Variants in TULP4 observed in about 807,000 individuals in gnomAD.
TULP4 encodes the protein tubby-related protein 4.
In TULP4, 16 loss-of-function variants were observed where a neutral mutation model predicts 129.0. That is an observed-to-expected ratio of 0.12 (90% confidence interval 0.08 to 0.19). The LOEUF (loss-of-function observed/expected upper bound fraction) is 0.19, where lower values mean the gene tolerates loss of function less well. TULP4 is among the 10% of genes least tolerant of loss of function. The probability of loss-of-function intolerance (pLI) is 1.00; values close to 1 mark genes in which losing one functional copy is unlikely to be tolerated. For missense variants in TULP4, 1,842 were observed against 2,059.1 expected (o/e 0.89, Z 2.04); for synonymous variants, 998 against 854.0 (o/e 1.17, Z -2.94).
At chr6:158,347,921 ATCTG>A (rs1470399427) in intron 1 of TULP4, among the ~76,000 whole-genome samples, 1 of 152,084 alleles carries the variant, frequency 6.6e-6, no homozygotes, top group Non-Finnish European at 1.5e-5. Context: ...AAAAAAAAGA[ATCTG>A]TAAGTGTTTT....
chr6:158,240,498 A>C (rs866976734), intron 1 of TULP4, among the ~76,000 whole-genome samples: 6 of 51,458 alleles, frequency 1.2e-4, no homozygotes, highest in South Asian at 8.8e-4. Context: ...CCTCCCGGAC[A>C]GGGCGGCTGG....
chr6:158,328,079 G>GGTGTGT (rs766393090), intron 1 of TULP4, among the ~76,000 whole-genome samples: 1,698 of 120,476 alleles, frequency 0.014, 60 homozygotes, highest in East Asian at 0.056. Context: ...TCTCAGAGCT[G>GGTGTGT]GTGTGTGTGT....
At chr6:158,337,076 C>T (rs76736119) in intron 1 of TULP4, among the ~76,000 whole-genome samples, 5 of 3,352 alleles carry the variant, frequency 1.5e-3, no homozygotes, top group Admixed American at 5.2e-3. Context: ...TCTTTCTTTT[C>T]TTTCTTTCTG....
At chr6:158,357,240 T>C (rs1780670461) in intron 1 of TULP4, among the ~76,000 whole-genome samples, 1 of 152,210 alleles carries the variant, frequency 6.6e-6, no homozygotes, top group African/African-American at 2.4e-5. Flanking sequence ...TGTCTAGAAA[T>C]GAGAGCCTTG....
chr6:158,294,223 G>T (rs1778991127), intron 1 of TULP4, among the ~76,000 whole-genome samples: 1 of 152,018 alleles, frequency 6.6e-6, no homozygotes. Flanking sequence ...CATTAGCTGG[G>T]CGTGGTGGTG....
intron 1 of TULP4, among the ~76,000 whole-genome samples, chr6:158,395,676 G>A (rs917099622): frequency 7.5e-6 from 1 of 133,382 alleles, no homozygotes; most frequent in African/African-American, 2.8e-5. Context: ...GGCGGGGGGG[G>A]GGTCATGGCA....
intron 1 of TULP4, among the ~76,000 whole-genome samples, chr6:158,393,701 G>T (rs961066340): frequency 1.3e-5 from 2 of 152,210 alleles, no homozygotes; most frequent in Non-Finnish European, 2.9e-5. Context: ...TGGGACACAG[G>T]GTGCCATGTC....
intron 1 of TULP4, among the ~76,000 whole-genome samples, chr6:158,239,393 C>T (rs1210625906): frequency 5.0e-4 from 32 of 64,396 alleles, no homozygotes; most frequent in African/African-American, 1.3e-3. Flanking sequence ...CCGGACGGGG[C>T]GGCTGGCCGG....
At position 158,452,576 on chromosome 6, in the gene TULP4, T is replaced by C. The variant is rs140764368; in HGVS notation, c.859+308T>C. Among the ~76,000 whole-genome samples, 364 of 152,382 alleles carry C rather than the reference T, an allele frequency of 2.4e-3. 6 individuals carry two copies. Among genetic ancestry groups the C allele is most frequent in the Non-Finnish European group, 5.7e-4 (39 of 68,038 alleles). ...GGTATGTTTGCATCTGGCTTACGCA[T>C]GTCTGCACAATAAACGGACTGCAGC... On this transcript the variant is annotated intron_variant, in intron 5 of 13. Transcript: ENST00000367097.
Position 158,314,198 on chromosome 6 carries a change from C to G in TULP4, c.182C>G (p.Ser61Cys). Residue 61 changes from serine (S) to cysteine (C), a missense_variant, in exon 1 of 14, where the codon TCT becomes TGT. Around this residue, in one of 5 missense-constraint regions of TULP4, gnomAD observed 151 missense variants for 268.7 expected, o/e 0.56. Coordinates refer to ENST00000367097, the MANE Select transcript of TULP4 (RefSeq NM_020245.5). ...GRGVVGVTFTSSHCRRDRSTP... is the reference protein window; with the variant it reads ...GRGVVGVTFTCSHCRRDRSTP... ...GGAGTGGTTGGGGTGACTTTCACCT[C>G]TAGTCACTGTCGCAGGGACAGGAGT... 1 of 1,614,118 alleles carries G rather than the reference C, an allele frequency of 6.2e-7. No homozygotes were observed. Among genetic ancestry groups the G allele is most frequent in the Non-Finnish European group, 8.5e-7 (1 of 1,180,028 alleles).
upstream of TULP4, among the ~76,000 whole-genome samples, chr6:158,279,569 A>G (rs979257949): frequency 2.6e-5 from 4 of 152,216 alleles, no homozygotes; most frequent in African/African-American, 9.7e-5. Flanking sequence ...CATGGCTTAC[A>G]TCGTACAAAA....
chr6:158,268,924 T>G (rs890981893), intron 1 of TULP4, among the ~76,000 whole-genome samples: 1 of 152,220 alleles, frequency 6.6e-6, no homozygotes, highest in African/African-American at 2.4e-5. Context: ...TTTAGCACTG[T>G]TGGCTTTAGT....
intron 12 of TULP4, among the ~76,000 whole-genome samples, chr6:158,501,464 T>C (rs1780441858): frequency 1.3e-5 from 2 of 152,186 alleles, no homozygotes; most frequent in African/African-American, 4.8e-5. Flanking sequence ...GTTCTGACAG[T>C]ACCCTTAGCT....
rs558292330 is a variant in TULP4, at chr6:158,399,837, T to C, written c.253-13228T>C. 7.9e-5 allele frequency among the ~76,000 whole-genome samples: 12 copies of C among 152,334 alleles called. No homozygotes were observed. In the East Asian group the frequency reaches 2.3e-3, roughly 29 times the overall value. On this transcript the variant is annotated intron_variant, in intron 1 of 13. Coordinates refer to ENST00000367097, the MANE Select transcript of TULP4 (RefSeq NM_020245.5). ...CCCCATCCTTGGAACTCTTACACTGTACTCAAAGTTCTTTAGCATTCATGT... is the reference window on the plus strand; with the variant it reads ...CCCCATCCTTGGAACTCTTACACTGCACTCAAAGTTCTTTAGCATTCATGT...
intron 6 of TULP4, among the ~76,000 whole-genome samples, chr6:158,478,664 C>T (rs1037792027): frequency 1.3e-5 from 2 of 152,190 alleles, no homozygotes; most frequent in African/African-American, 4.8e-5. Context: ...TGCCTGGCCT[C>T]CTGTGGTAGA....
At chr6:158,418,100 T>TGTG (rs540988447) in intron 2 of TULP4, among the ~76,000 whole-genome samples, 3 of 84,150 alleles carry the variant, frequency 3.6e-5, no homozygotes, top group African/African-American at 9.6e-5. Flanking sequence ...TGTGTGTGTG[T>TGTG]TTTTTTTTTT....
intron 1 of TULP4, among the ~76,000 whole-genome samples, chr6:158,255,226 A>G (rs1778222822): frequency 6.6e-6 from 1 of 152,172 alleles, no homozygotes; most frequent in South Asian, 2.1e-4. Context: ...GCAGTTGTAG[A>G]CACTGTTGGG....
chr6:158,479,933 C>G lies in TULP4; in HGVS notation c.1209C>G (p.Arg403=). 1 of 1,610,666 alleles carries G rather than the reference C, an allele frequency of 6.2e-7. No homozygotes were observed. The highest frequency in any genetic ancestry group is 1.1e-5 in the South Asian group (1 of 91,034). The part of the protein sequence containing the change: ...KDVSKLTLPP[R]LCSYLSTAFI... ...TCAGCAAGCTGACTCTGCCCCCCCGCCTCTGCTCCTACCTCTCCACTGCCT... is the reference window on the plus strand; with the variant it reads ...TCAGCAAGCTGACTCTGCCCCCCCGGCTCTGCTCCTACCTCTCCACTGCCT... Residue 403 remains arginine (R), a synonymous_variant, in exon 7 of 14, where the codon CGC becomes CGG. Transcript: ENST00000367097.
intron 3 of TULP4, among the ~76,000 whole-genome samples, chr6:158,441,736 C>T (rs186118779): frequency 6.6e-6 from 1 of 152,192 alleles, no homozygotes; most frequent in Non-Finnish European, 1.5e-5. Context: ...TGCAGACTCT[C>T]GGACATAAAT....
Sources: gnomAD v4.1 joint callset for allele counts (sites outside exome capture counted in the v4.1 genomes callset) on GRCh38, gnomAD v4.1.1 for gene constraint, gnomAD v4.1.1 regional missense constraint, MANE v1.5 for transcripts, NCBI Gene and HGNC (gene_info 2026-07-23, HGNC 2026-07-21) for gene names.